Variants in LRRC7 observed in about 807,000 individuals in gnomAD.
The protein encoded by LRRC7 is leucine rich repeat containing 7, also known as leucine-rich repeat-containing protein 7.
Under a neutral mutation model 175.7 loss-of-function variants are expected in LRRC7, and 23 were observed. The ratio of observed to expected loss-of-function variants is 0.13; its 90% confidence interval spans 0.09 to 0.19. The LOEUF (loss-of-function observed/expected upper bound fraction) is 0.19. LRRC7 is among the 10% of genes least tolerant of loss of function. The probability of loss-of-function intolerance (pLI) is 1.00; values close to 1 mark genes in which losing one functional copy is unlikely to be tolerated. For missense variants in LRRC7, 1,354 were observed against 1,904.7 expected (o/e 0.71, Z 5.38); for synonymous variants, 685 against 680.9 (o/e 1.01, Z -0.09).
At chr1:69,732,281 G>T (rs1213671058) in intron 2 of LRRC7, among the ~76,000 whole-genome samples, 1 of 151,710 alleles carries the variant, frequency 6.6e-6, no homozygotes, top group African/African-American at 2.4e-5. Context: ...TTTTTTAAAG[G>T]TTGTTTAGAA....
intron 8 of LRRC7, among the ~76,000 whole-genome samples, chr1:69,939,037 A>ATATATATATCTATC (rs1557911148): frequency 4.9e-5 from 4 of 80,934 alleles, no homozygotes; most frequent in African/African-American, 1.5e-4. Context: ...ATATCTATAT[A>ATATATATATCTATC]TATCTATATC....
At chr1:69,905,907 T>C (rs1372216427) in intron 7 of LRRC7, among the ~76,000 whole-genome samples, 3 of 152,224 alleles carry the variant, frequency 2.0e-5, no homozygotes, top group Non-Finnish European at 4.4e-5. Context: ...CTCCACATCC[T>C]CTCCAGCACC....
At chr1:69,856,206 G>A (rs1005541805) in intron 7 of LRRC7, among the ~76,000 whole-genome samples, 5 of 152,132 alleles carry the variant, frequency 3.3e-5, no homozygotes, top group African/African-American at 1.2e-4. Context: ...AGTTGATGCA[G>A]TTTCTTAAGA....
chr1:69,697,715 A>G lies in LRRC7; in HGVS notation c.100+19237A>G, dbSNP rs559077982. Among the ~76,000 whole-genome samples, 6 of 152,350 alleles carry G rather than the reference A, an allele frequency of 3.9e-5. No homozygotes were observed. In the South Asian group the frequency reaches 6.2e-4, roughly 16 times the overall value. ...CTTGCATAGCTAAAGCTGACAGCCC[A>G]TAGCCCCATGCCCTAGTTTCGCTAA... On this transcript the variant is annotated intron_variant, in intron 2 of 26. Coordinates refer to ENST00000651989, the MANE Select transcript of LRRC7 (RefSeq NM_001370785.2).
chr1:69,754,843 A>G (rs1570636810), intron 2 of LRRC7, among the ~76,000 whole-genome samples: 1 of 152,056 alleles, frequency 6.6e-6, no homozygotes, highest in African/African-American at 2.4e-5. Context: ...TGCATTAGAC[A>G]TTTAAAAAAA....
At chr1:69,680,284 A>G (rs1036131242) in intron 2 of LRRC7, among the ~76,000 whole-genome samples, 4 of 152,132 alleles carry the variant, frequency 2.6e-5, no homozygotes, top group Non-Finnish European at 4.4e-5. Flanking sequence ...TAGCCTAGGT[A>G]AAATGATTGA....
intron 1 of LRRC7, among the ~76,000 whole-genome samples, chr1:69,658,312 T>A (rs1183375428): frequency 1.3e-5 from 2 of 152,046 alleles, no homozygotes; most frequent in East Asian, 3.8e-4. Context: ...TGAATTTATT[T>A]GTTTTTTAAA....
intron 7 of LRRC7, among the ~76,000 whole-genome samples, chr1:69,924,903 T>A (rs964482093): frequency 3.9e-5 from 6 of 152,178 alleles, no homozygotes; most frequent in African/African-American, 1.4e-4. Flanking sequence ...TGCTTCCAGT[T>A]TTTGCCCATT....
At chr1:69,926,670 C>T in intron 7 of LRRC7, among the ~76,000 whole-genome samples, 1 of 151,848 alleles carries the variant, frequency 6.6e-6, no homozygotes, top group East Asian at 1.9e-4. Flanking sequence ...GTAGATCTTC[C>T]TCCATCCTTT....
Position 70,137,691 on chromosome 1 carries a change from T to A in LRRC7, c.*15804T>A, listed in dbSNP as rs1476363343. The stretch of plus-strand genomic sequence containing the variant: ...ATGCCTGGAACTATGCAGACATAGA[T>A]CAAGTCTCATGCATGTCATTTAGAC... On this transcript the variant is annotated 3_prime_UTR_variant, in exon 27 of 27. Transcript: ENST00000651989. 6.6e-6 allele frequency among the ~76,000 whole-genome samples: 1 copy of A among 152,244 alleles called. No homozygotes were observed. Among genetic ancestry groups the A allele is most frequent in the Non-Finnish European group, 1.5e-5 (1 of 68,042 alleles).
intron 1 of LRRC7, among the ~76,000 whole-genome samples, chr1:69,586,883 T>C (rs969860530): frequency 1.3e-5 from 2 of 152,186 alleles, no homozygotes; most frequent in African/African-American, 4.8e-5. Context: ...ACTTTGGATT[T>C]TCTATTTTCC....
intron 8 of LRRC7, among the ~76,000 whole-genome samples, chr1:69,933,493 A>G (rs1452081524): frequency 6.6e-6 from 1 of 152,182 alleles, no homozygotes; most frequent in East Asian, 1.9e-4. Flanking sequence ...TTATTAAGAC[A>G]TGTAGGTCAG....
chr1:69,804,976 ATAATT>A (rs1427030368), intron 4 of LRRC7, among the ~76,000 whole-genome samples: 14 of 151,794 alleles, frequency 9.2e-5, no homozygotes, highest in Admixed American at 9.2e-4. Context: ...CTACGACACT[ATAATT>A]TAAGGACTTT....
intron 7 of LRRC7, among the ~76,000 whole-genome samples, chr1:69,928,483 T>C (rs533311443): frequency 3.9e-5 from 6 of 152,340 alleles, no homozygotes; most frequent in African/African-American, 1.4e-4. Flanking sequence ...CATGGCTGCT[T>C]TGTTTACTTA....
intron 1 of LRRC7, among the ~76,000 whole-genome samples, chr1:69,620,263 A>G (rs1426736003): frequency 9.8e-5 from 5 of 50,798 alleles, no homozygotes; most frequent in Non-Finnish European, 1.8e-4. Context: ...ATTGATAACT[A>G]TTTACATTTT....
chr1:69,949,138 GAA>G (rs1343157444), intron 8 of LRRC7, among the ~76,000 whole-genome samples: 4 of 133,376 alleles, frequency 3.0e-5, no homozygotes, highest in Non-Finnish European at 6.5e-5. Flanking sequence ...TTGTAATAAA[GAA>G]AAAAAAAAAA....
intron 2 of LRRC7, among the ~76,000 whole-genome samples, chr1:69,725,250 AG>A (rs977549930): frequency 2.0e-5 from 3 of 152,080 alleles, no homozygotes; most frequent in South Asian, 4.1e-4. Context: ...CACATTGAGT[AG>A]GGGGAGGAGG....
chr1:69,686,514 G>T (rs1661165000), intron 2 of LRRC7, among the ~76,000 whole-genome samples: 1 of 152,086 alleles, frequency 6.6e-6, no homozygotes. Context: ...CACTTGAAAT[G>T]GTATAACACT....
chr1:69,699,498 C>A (rs543532070), intron 2 of LRRC7, among the ~76,000 whole-genome samples: 12 of 151,634 alleles, frequency 7.9e-5, no homozygotes, highest in Admixed American at 7.4e-4. Flanking sequence ...CAAGATTGTG[C>A]CACTGTACTC....
Sources: gnomAD v4.1 joint callset for allele counts (sites outside exome capture counted in the v4.1 genomes callset) on GRCh38, gnomAD v4.1.1 for gene constraint, MANE v1.5 for transcripts, NCBI Gene and HGNC (gene_info 2026-07-23, HGNC 2026-07-21) for gene names.